FAM161B: variants seen among roughly 807,000 people sequenced by gnomAD.
The protein encoded by FAM161B is FAM161 centrosomal protein B.
In FAM161B, 46 loss-of-function variants were observed where a neutral mutation model predicts 61.5. The ratio of observed to expected loss-of-function variants is 0.75; its 90% confidence interval spans 0.59 to 0.96. The LOEUF (loss-of-function observed/expected upper bound fraction) is 0.96, where lower values mean the gene tolerates loss of function less well. Among genes scored for constraint, FAM161B ranks in the 40% least tolerant of loss-of-function variants. The pLI, the probability that FAM161B is intolerant of heterozygous loss-of-function variation, is 0.00. For synonymous variants in FAM161B, 284 were observed against 302.7 expected, an observed-to-expected ratio of 0.94 and a Z score of 0.64; for missense variants, 774 against 800.7, an observed-to-expected ratio of 0.97 and a Z score of 0.40.
chr14:73,935,070 A>AAAAAG lies in FAM161B; in HGVS notation c.1806-677_1806-676insCTTTT, dbSNP rs112614061. ...GAGCAAGACTCCGTCTCAAAAAAAAAAGTCTCAACATTATTACTATTTTAT... is the reference window on the plus strand; with the variant it reads ...GAGCAAGACTCCGTCTCAAAAAAAAAAAAAGAGTCTCAACATTATTACTATTTTAT... On this transcript the variant is annotated intron_variant, in intron 8 of 8. Transcript: ENST00000286544. 2.8e-3 allele frequency among the ~76,000 whole-genome samples: 419 copies of AAAAAG among 150,188 alleles called. 4 individuals are homozygous for AAAAAG. Among genetic ancestry groups the AAAAAG allele is most frequent in the African/African-American group, 7.9e-3 (325 of 41,108 alleles).
the FAM161B span, among the ~76,000 whole-genome samples, chr14:73,925,538 C>T: frequency 6.6e-6 from 1 of 152,026 alleles, no homozygotes; most frequent in Non-Finnish European, 1.5e-5. Flanking sequence ...AGCAATTTTC[C>T]TGCCTCAGTC....
chr14:73,923,361 C>T, the FAM161B span: 1 of 1,605,508 alleles, frequency 6.2e-7, no homozygotes, highest in South Asian at 1.1e-5. Context: ...TCTGGATTCA[C>T]TTTTCATTGA....
chr14:73,931,674 C>T (rs1036986115), downstream of FAM161B: 55 of 770,522 alleles, frequency 7.1e-5, no homozygotes, highest in Non-Finnish European at 1.1e-4. Flanking sequence ...TGCCACTCTT[C>T]CTCTTTCCTG....
chr14:73,935,269 T>G (rs904793409), intron 8 of FAM161B, among the ~76,000 whole-genome samples: 1 of 151,420 alleles, frequency 6.6e-6, no homozygotes, highest in Non-Finnish European at 1.5e-5. Flanking sequence ...CACTCACGCC[T>G]GTAATCCCAG....
chr14:73,926,677 C>G (rs1482941881), downstream of FAM161B, among the ~76,000 whole-genome samples: 1 of 152,142 alleles, frequency 6.6e-6, no homozygotes, highest in Non-Finnish European at 1.5e-5. Context: ...TCAAGTGATC[C>G]ACCCACCTCG....
chr14:73,939,926 T>G (rs2140344801), intron 5 of FAM161B, among the ~76,000 whole-genome samples: 1 of 152,350 alleles, frequency 6.6e-6, no homozygotes, highest in Non-Finnish European at 1.5e-5. Context: ...CCAGCCTCTT[T>G]GTTCAGGAGG....
At chr14:73,947,077 T>C (rs1161445230) in intron 1 of FAM161B, among the ~76,000 whole-genome samples, 1 of 152,088 alleles carries the variant, frequency 6.6e-6, no homozygotes, top group Non-Finnish European at 1.5e-5. Context: ...TTCTAGCTAA[T>C]TTGCACTCTG....
chr14:73,941,412 G>A (rs904735692), intron 4 of FAM161B, among the ~76,000 whole-genome samples: 3 of 151,948 alleles, frequency 2.0e-5, no homozygotes, highest in African/African-American at 7.3e-5. Context: ...GTGAACTACC[G>A]CGCCCAGCCA....
chr14:73,941,104 CTA>C (rs750763919), intron 4 of FAM161B, 51 bp from the exon 5 acceptor site: 1 of 1,034,080 alleles, frequency 9.7e-7, no homozygotes, highest in East Asian at 3.3e-5. Flanking sequence ...TGATTAGTTT[CTA>C]TCTTTTTTTT....
chr14:73,948,888 G>T (rs1261207528), intron 1 of FAM161B, among the ~76,000 whole-genome samples: 1 of 151,168 alleles, frequency 6.6e-6, no homozygotes, highest in Non-Finnish European at 1.5e-5. Flanking sequence ...TTGGCTGGTG[G>T]ATCACTGGAG....
intron 1 of FAM161B, 128 bp from the exon 2 acceptor site, chr14:73,946,733 G>T: frequency 1.1e-6 from 1 of 893,802 alleles, no homozygotes; most frequent in Non-Finnish European, 1.7e-6. Flanking sequence ...TCTGCCAGAT[G>T]CACTGGCTCA....
intron 5 of FAM161B, among the ~76,000 whole-genome samples, chr14:73,939,446 T>C (rs765331826): frequency 7.9e-5 from 12 of 152,230 alleles, no homozygotes; most frequent in Non-Finnish European, 1.3e-4. Context: ...TCCTCATAAC[T>C]GCCTTATGAG....
intron 5 of FAM161B, among the ~76,000 whole-genome samples, chr14:73,939,908 T>C (rs11624780): frequency 0.4 from 61,441 of 152,104 alleles, 13,613 homozygotes; most frequent in South Asian, 0.5. Context: ...ATGTCCTCTA[T>C]AGGAAGGCCA....
Position 73,942,541 on chromosome 14 carries a change from C to T in FAM161B, c.1100G>A (p.Arg367Gln), listed in dbSNP as rs111266525. 40 of 1,614,060 alleles carry T rather than the reference C, an allele frequency of 2.5e-5. No individual in the cohort carries two copies. The highest frequency in any genetic ancestry group is 3.3e-5 in the Admixed American group (2 of 60,002). ...ATAGTCAGGGACCACAGGATTCACC[C>T]GAGGCTGGAATCTGAAGTTAGTGTG... Reference protein sequence around the residue: ...FLHTNFRFQPRVNPVVPDYEG... With the variant: ...FLHTNFRFQPQVNPVVPDYEG... Residue 367 changes from arginine to glutamine, a missense_variant, in exon 4 of 9, where the codon CGG (arginine) becomes CAG (glutamine). Arg to Gln is a conservative substitution (Grantham distance 43). Coordinates refer to ENST00000286544, the MANE Select transcript of FAM161B (RefSeq NM_152445.3).
chr14:73,942,634 G>A lies in FAM161B; in HGVS notation c.1007C>T (p.Ser336Phe). 2.5e-6 allele frequency: 4 copies of A among 1,614,136 alleles called. No individual in the cohort carries two copies. Among genetic ancestry groups the A allele is most frequent in the Non-Finnish European group, 3.4e-6 (4 of 1,180,040 alleles). Reference protein sequence around the residue: ...LQMASSPIASSSNRANPQPRT... With the variant: ...LQMASSPIASFSNRANPQPRT... ...GGGCTGTGGGTTAGCCCGGTTACTA[G>A]AGGAGGCGATAGGGGAAGAGGCCAT... Residue 336 changes from serine (S) to phenylalanine (F), a missense_variant, in exon 4 of 9, where the codon TCT (serine) becomes TTT (phenylalanine). Ser to Phe is a radical substitution (Grantham distance 155, BLOSUM62 -2). Transcript: ENST00000286544.
chr14:73,927,301 A>C (rs1594769690), downstream of FAM161B: 1 of 157,738 alleles, frequency 6.3e-6, no homozygotes. Flanking sequence ...CTGGTCTTGA[A>C]CTCCTGACCT....
At chr14:73,942,828 A>C in intron 3 of FAM161B, 113 bp from the exon 4 acceptor site, 1 of 924,488 alleles carries the variant, frequency 1.1e-6, no homozygotes, top group Non-Finnish European at 1.6e-6. Flanking sequence ...GGCAAGTAGG[A>C]ACTTTTCAGG....
chr14:73,934,032 G>T lies in FAM161B; in HGVS notation c.*224C>A. 2.3e-6 allele frequency: 1 copy of T among 443,308 alleles called. No homozygotes were observed. The highest frequency in any genetic ancestry group is 2.1e-5 in the African/African-American group (1 of 48,778). The allele number at this position is 443,308 out of a possible 1,614,324, so 27.5% of individuals were successfully genotyped here. ...AGGTGGAGTTTTGCCGTGTTGGCTG[G>T]ACTGGTCTCAAACTCCTGACCTCAG... On this transcript the variant is annotated 3_prime_UTR_variant, in exon 9 of 9. Transcript: ENST00000286544.
At chr14:73,941,282 A>C (rs1377207727) in intron 4 of FAM161B, among the ~76,000 whole-genome samples, 2 of 151,794 alleles carry the variant, frequency 1.3e-5, no homozygotes, top group Non-Finnish European at 2.9e-5. Flanking sequence ...CACCATGCCC[A>C]GCTACATTTT....
Sources: allele counts gnomAD v4.1 joint callset (sites outside exome capture counted in the v4.1 genomes callset), GRCh38; gene constraint gnomAD v4.1.1; transcripts MANE v1.5; gene names NCBI Gene and HGNC (gene_info 2026-07-23, HGNC 2026-07-21).